B3GALT1: variants seen among roughly 807,000 people sequenced by gnomAD.
The protein encoded by B3GALT1 is beta-1,3-galactosyltransferase 1, also known as UDP-Gal:betaGlcNAc beta 1,3-galactosyltransferase, polypeptide 1.
In B3GALT1, 10 loss-of-function variants were observed where a neutral mutation model predicts 23.2. That is an observed-to-expected ratio of 0.43 (90% CI 0.27 to 0.73). B3GALT1 has a LOEUF of 0.73. Ranked by LOEUF, B3GALT1 falls within the 30% of genes least tolerant of loss-of-function variation. B3GALT1 has a pLI of 0.21. For missense variants in B3GALT1, 299 were observed against 405.4 expected (o/e 0.74, Z 2.25); for synonymous variants, 156 against 141.5 (o/e 1.10, Z -0.73).
chr2:167,392,028 C>A (rs555805703), intron 1 of B3GALT1, among the ~76,000 whole-genome samples: 1 of 152,038 alleles, frequency 6.6e-6, no homozygotes, highest in Non-Finnish European at 1.5e-5. Context: ...CTCTGTAGAA[C>A]TCTGAAGGCG....
chr2:167,430,594 A>G (rs1403896), intron 1 of B3GALT1, among the ~76,000 whole-genome samples: 140,946 of 152,054 alleles, frequency 0.93, 65,912 homozygotes, highest in Non-Finnish European at 0.99. Flanking sequence ...GTTAGAATCA[A>G]CAAGCTGTGA....
chr2:167,431,946 C>G (rs187616631), intron 1 of B3GALT1, among the ~76,000 whole-genome samples: 207 of 152,278 alleles, frequency 1.4e-3, no homozygotes, highest in Non-Finnish European at 2.7e-3. Flanking sequence ...ATTTAAAATT[C>G]TTTCTACTTG....
intron 1 of B3GALT1, among the ~76,000 whole-genome samples, chr2:167,485,637 G>A (rs1699616201): frequency 6.6e-6 from 1 of 152,302 alleles, no homozygotes; most frequent in Non-Finnish European, 1.5e-5. Flanking sequence ...AGGAATGGCC[G>A]TGTGTCCTTA....
At chr2:167,752,494 T>A (rs1341483864) in intron 3 of B3GALT1, among the ~76,000 whole-genome samples, 1 of 151,114 alleles carries the variant, frequency 6.6e-6, no homozygotes, top group South Asian at 2.1e-4. Flanking sequence ...TTGTAAACTT[T>A]CCAAAAAGAG....
At chr2:167,711,353 C>G (rs547557034) in intron 3 of B3GALT1, among the ~76,000 whole-genome samples, 14 of 152,158 alleles carry the variant, frequency 9.2e-5, no homozygotes, top group African/African-American at 3.4e-4. Context: ...TCATTGTAAC[C>G]CAGCACCTGC....
chr2:167,496,986 A>G (rs939810411), intron 2 of B3GALT1, among the ~76,000 whole-genome samples: 1 of 152,170 alleles, frequency 6.6e-6, no homozygotes, highest in Non-Finnish European at 1.5e-5. Flanking sequence ...GCACACCAAC[A>G]TGGCACATGT....
chr2:167,411,284 A>C (rs1662363400), intron 1 of B3GALT1, among the ~76,000 whole-genome samples: 1 of 151,428 alleles, frequency 6.6e-6, no homozygotes, highest in Non-Finnish European at 1.5e-5. Context: ...CCACTTACAG[A>C]ATGGGAGAAA....
chr2:167,690,345 T>G (rs1297468484), intron 3 of B3GALT1, among the ~76,000 whole-genome samples: 3 of 152,004 alleles, frequency 2.0e-5, no homozygotes, highest in African/African-American at 7.2e-5. Context: ...TCAGTAAAAG[T>G]AATTACAAAA....
chr2:167,618,193 T>G (rs1268878369), intron 2 of B3GALT1, among the ~76,000 whole-genome samples: 3 of 152,230 alleles, frequency 2.0e-5, no homozygotes, highest in Non-Finnish European at 4.4e-5. Context: ...ATTAACTCAG[T>G]TTCGGATTCT....
chr2:167,515,941 T>G (rs924173192), intron 2 of B3GALT1, among the ~76,000 whole-genome samples: 10 of 152,146 alleles, frequency 6.6e-5, no homozygotes, highest in Non-Finnish European at 1.3e-4. Context: ...CTAAATTTTC[T>G]AGGCCTATCT....
At chr2:167,478,127 G>A (rs1699511700) in intron 1 of B3GALT1, among the ~76,000 whole-genome samples, 1 of 152,172 alleles carries the variant, frequency 6.6e-6, no homozygotes, top group Non-Finnish European at 1.5e-5. Context: ...TCTTTAGAGT[G>A]GATACATTTA....
chr2:167,411,650 A>G (rs1171262122), intron 1 of B3GALT1, among the ~76,000 whole-genome samples: 1 of 152,216 alleles, frequency 6.6e-6, no homozygotes, highest in Non-Finnish European at 1.5e-5. Flanking sequence ...TATCAACTGT[A>G]TGGATGTTCC....
intron 1 of B3GALT1, among the ~76,000 whole-genome samples, chr2:167,448,164 G>A (rs759354951): frequency 5.6e-4 from 85 of 152,134 alleles, no homozygotes; most frequent in Admixed American, 7.2e-4. Context: ...GGATTAAATG[G>A]TTGTTCTACT....
At chr2:167,686,626 C>G (rs1187324957) in intron 3 of B3GALT1, among the ~76,000 whole-genome samples, 1 of 152,180 alleles carries the variant, frequency 6.6e-6, no homozygotes, top group African/African-American at 2.4e-5. Flanking sequence ...AACTCCTCCT[C>G]AAAGCCAGTC....
At chr2:167,358,161 G>C (rs1373791124) in intron 1 of B3GALT1, among the ~76,000 whole-genome samples, 1 of 152,194 alleles carries the variant, frequency 6.6e-6, no homozygotes, top group Non-Finnish European at 1.5e-5. Context: ...CAGATGGCCA[G>C]AAATGGAGTC....
Position 167,516,422 on chromosome 2 carries a change from TAATGTCAAACTTTAC to T in B3GALT1, c.-410+26146_-410+26160del, listed in dbSNP as rs377754029. Among the ~76,000 whole-genome samples, 488 of 152,196 alleles carry T rather than the reference TAATGTCAAACTTTAC, an allele frequency of 3.2e-3. 3 individuals carry two copies. The highest frequency in any genetic ancestry group is 0.011 in the African/African-American group (463 of 41,562). On this transcript the variant is annotated intron_variant, in intron 2 of 4. Transcript: ENST00000392690. ...ATTTCTTCTATATCATCCTCAGAAT[TAATGTCAAACTTTAC>T]TGTGATATACAAGATTATACTTACC... is the stretch of plus-strand genomic sequence containing the variant.
rs1323364702 is a variant in B3GALT1, at chr2:167,521,987, T to TATATATATATATATATATATATACAC, written c.-410+31729_-410+31730insTATACACATATATATATATATATATA. Among the ~76,000 whole-genome samples the TATATATATATATATATATATATACAC allele has an allele frequency of 7.4e-4, 85 of 114,106 alleles. 1 individual carries two copies. Among genetic ancestry groups the TATATATATATATATATATATATACAC allele is most frequent in the Non-Finnish European group, 1.0e-3 (57 of 55,914 alleles). The allele number at this position is 114,106 out of a possible 152,430, so 74.9% of individuals were successfully genotyped here. On this transcript the variant is annotated intron_variant, in intron 2 of 4. Coordinates refer to ENST00000392690, the MANE Select transcript of B3GALT1 (RefSeq NM_020981.4). Reference sequence around the variant, plus strand: ...ACATATATGTGTGTGTGTGTGTGTATATATATATATATATATATACACATA... The same window carrying TATATATATATATATATATATATACAC: ...ACATATATGTGTGTGTGTGTGTGTATATATATATATATATATATATATACACATATATATATATATATATACACATA...
At chr2:167,413,532 T>C (rs1043775186) in intron 1 of B3GALT1, among the ~76,000 whole-genome samples, 5 of 152,004 alleles carry the variant, frequency 3.3e-5, no homozygotes, top group African/African-American at 9.7e-5. Context: ...CCTATATATT[T>C]TGAAGCTGTA....
intron 1 of B3GALT1, among the ~76,000 whole-genome samples, chr2:167,436,371 C>G (rs1408068392): frequency 6.6e-6 from 1 of 152,094 alleles, no homozygotes; most frequent in African/African-American, 2.4e-5. Flanking sequence ...TTTTCCCAGA[C>G]GTATTAATGA....
Sources: allele counts gnomAD v4.1 joint callset (sites outside exome capture counted in the v4.1 genomes callset), GRCh38; gene constraint gnomAD v4.1.1; transcripts MANE v1.5; gene names NCBI Gene and HGNC (gene_info 2026-07-23, HGNC 2026-07-21).